Variants in ERBB4 observed in about 807,000 individuals in gnomAD.
ERBB4 encodes the protein receptor tyrosine-protein kinase erbB-4.
Under a neutral mutation model 158.0 loss-of-function variants are expected in ERBB4, and 42 were observed. That is an observed-to-expected ratio of 0.27 (90% CI 0.21 to 0.34). ERBB4 has a LOEUF of 0.34. Ranked by LOEUF, ERBB4 falls within the 10% of genes least tolerant of loss-of-function variation. The pLI is 1.00. For missense variants in ERBB4, 1,333 were observed against 1,624.1 expected, an observed-to-expected ratio of 0.82 and a Z score of 3.08; for synonymous variants, 583 against 558.7, an observed-to-expected ratio of 1.04 and a Z score of -0.61.
intron 1 of ERBB4, among the ~76,000 whole-genome samples, chr2:212,384,098 A>G (rs1394781): frequency 0.59 from 90,043 of 151,376 alleles, 28,533 homozygotes; most frequent in African/African-American, 0.81. Flanking sequence ...CTGTTAATAC[A>G]TTCCAGACCC....
chr2:212,479,247 C>T (rs1374273115), intron 1 of ERBB4, among the ~76,000 whole-genome samples: 1 of 152,122 alleles, frequency 6.6e-6, no homozygotes. Flanking sequence ...CCCTTTATCT[C>T]CCCTGATTGC....
chr2:212,238,943 A>G (rs1233894057), intron 1 of ERBB4, among the ~76,000 whole-genome samples: 2 of 152,226 alleles, frequency 1.3e-5, no homozygotes, highest in African/African-American at 4.8e-5. Context: ...GAAAAGAATA[A>G]TTGAAAGAAA....
intron 1 of ERBB4, among the ~76,000 whole-genome samples, chr2:212,223,101 C>G (rs1487692257): frequency 6.6e-6 from 1 of 151,462 alleles, no homozygotes; most frequent in Non-Finnish European, 1.5e-5. Flanking sequence ...TATAAAAACA[C>G]ACACTTATAC....
intron 1 of ERBB4, among the ~76,000 whole-genome samples, chr2:212,384,864 G>C (rs542203079): frequency 2.3e-4 from 32 of 138,088 alleles, no homozygotes; most frequent in Middle Eastern, 8.1e-3. Flanking sequence ...GAATAGAATT[G>C]TTGTTCTTAA....
chr2:212,313,038 C>A (rs1275184507), intron 1 of ERBB4, among the ~76,000 whole-genome samples: 1 of 150,640 alleles, frequency 6.6e-6, no homozygotes, highest in Non-Finnish European at 1.5e-5. Context: ...TGGCAAGTTT[C>A]TTTTCATATG....
intron 20 of ERBB4, among the ~76,000 whole-genome samples, chr2:211,469,649 CAT>C (rs1202892567): frequency 1.6e-4 from 24 of 152,248 alleles, no homozygotes; most frequent in African/African-American, 5.8e-4. Flanking sequence ...AAGGAATAGA[CAT>C]AGTCTTTTAG....
chr2:212,462,291 T>C lies in ERBB4; in HGVS notation c.82+76158A>G, dbSNP rs1460863980. ...ATCAAACTAAAAAGTTTCTGCATAG[T>C]AAAAGAAACAACAAATTGAAGAGAC... On this transcript the variant is annotated intron_variant, in intron 1 of 27. Coordinates refer to ENST00000342788, the MANE Select transcript of ERBB4 (RefSeq NM_005235.3). 3.9e-5 allele frequency among the ~76,000 whole-genome samples: 6 copies of C among 152,040 alleles called. No individual in the cohort carries two copies. The East Asian group carries it at 9.7e-4, about 24-fold the overall frequency.
intron 1 of ERBB4, among the ~76,000 whole-genome samples, chr2:212,443,767 G>A (rs946309974): frequency 6.6e-6 from 1 of 152,180 alleles, no homozygotes; most frequent in Non-Finnish European, 1.5e-5. Context: ...GGTCCCCATA[G>A]GTGAATCACA....
intron 19 of ERBB4, among the ~76,000 whole-genome samples, chr2:211,595,681 C>A (rs2068608147): frequency 6.6e-6 from 1 of 152,156 alleles, no homozygotes; most frequent in African/African-American, 2.4e-5. Context: ...GTTTGACCTG[C>A]ACGGGTCCAA....
chr2:212,503,526 CT>C (rs544311618), intron 1 of ERBB4, among the ~76,000 whole-genome samples: 8 of 152,216 alleles, frequency 5.3e-5, no homozygotes, highest in Admixed American at 4.6e-4. Flanking sequence ...TATCTAGATA[CT>C]TTTTGTTACC....
chr2:212,037,390 A>T (rs2125363267), intron 2 of ERBB4, among the ~76,000 whole-genome samples: 1 of 152,332 alleles, frequency 6.6e-6, no homozygotes, highest in Non-Finnish European at 1.5e-5. Flanking sequence ...GCCTAAGGAA[A>T]GCACCAACTG....
At chr2:211,469,927 G>A (rs968467615) in intron 20 of ERBB4, among the ~76,000 whole-genome samples, 1 of 152,046 alleles carries the variant, frequency 6.6e-6, no homozygotes, top group African/African-American at 2.4e-5. Context: ...GGAGATTCAA[G>A]TGTTAAATCA....
chr2:212,011,458 A>T (rs2076385062), intron 2 of ERBB4, among the ~76,000 whole-genome samples: 1 of 152,174 alleles, frequency 6.6e-6, no homozygotes, highest in South Asian at 2.1e-4. Context: ...ATGTTTTTGG[A>T]AGAGCATTTC....
intron 19 of ERBB4, among the ~76,000 whole-genome samples, chr2:211,605,624 G>C (rs1284673327): frequency 6.6e-6 from 1 of 152,082 alleles, no homozygotes; most frequent in Non-Finnish European, 1.5e-5. Flanking sequence ...TAAATAAATA[G>C]AGGCTATTTT....
At chr2:211,410,238 T>C (rs1180329329) in intron 25 of ERBB4, among the ~76,000 whole-genome samples, 1 of 152,224 alleles carries the variant, frequency 6.6e-6, no homozygotes, top group Non-Finnish European at 1.5e-5. Flanking sequence ...TAAATGTATA[T>C]ATATACACAC....
chr2:211,838,335 A>G (rs1314743823), intron 3 of ERBB4, among the ~76,000 whole-genome samples: 1 of 152,102 alleles, frequency 6.6e-6, no homozygotes, highest in Non-Finnish European at 1.5e-5. Flanking sequence ...TCATCTCTAC[A>G]TAGCCTCTGC....
In ERBB4 at chr2:211,383,569, A is replaced by C; in HGVS notation, c.*46T>G. The stretch of plus-strand genomic sequence containing the variant: ...ACCAGAGAAAGAGAGGGGGGTGGGG[A>C]AATTGGAGCAGGTGTGTCTCTCCAC... On this transcript the variant is annotated 3_prime_UTR_variant, in exon 28 of 28. Coordinates refer to ENST00000342788, the MANE Select transcript of ERBB4 (RefSeq NM_005235.3). The C allele has an allele frequency of 6.6e-7, 1 of 1,510,750 alleles. No individual in the cohort carries two copies. Among genetic ancestry groups the C allele is most frequent in the African/African-American group, 1.4e-5 (1 of 72,748 alleles). The allele number at this position is 1,510,750 out of a possible 1,614,324, so 93.6% of individuals were successfully genotyped here.
chr2:212,509,573 T>C (rs1691391174), intron 1 of ERBB4, among the ~76,000 whole-genome samples: 1 of 151,988 alleles, frequency 6.6e-6, no homozygotes, highest in African/African-American at 2.4e-5. Context: ...AATAATTTAA[T>C]TTAAATAAGT....
chr2:212,476,800 T>A (rs1689427673), intron 1 of ERBB4, among the ~76,000 whole-genome samples: 1 of 152,170 alleles, frequency 6.6e-6, no homozygotes, highest in African/African-American at 2.4e-5. Flanking sequence ...GCTTCAAACA[T>A]TATTTTTAAG....
Sources: gnomAD v4.1 joint callset for allele counts (sites outside exome capture counted in the v4.1 genomes callset) on GRCh38, gnomAD v4.1.1 for gene constraint, MANE v1.5 for transcripts, NCBI Gene and HGNC (gene_info 2026-07-23, HGNC 2026-07-21) for gene names.